Variants in IL1RAPL2 observed in about 807,000 individuals in gnomAD.
IL1RAPL2 encodes X-linked interleukin-1 receptor accessory protein-like 2.
IL1RAPL2 carries 3 observed loss-of-function variants against 44.1 expected under a neutral mutation model. That is an observed-to-expected ratio of 0.07 (90% CI 0.03 to 0.18). The LOEUF is 0.18. Among genes scored for constraint, IL1RAPL2 ranks in the 10% least tolerant of loss-of-function variants. IL1RAPL2 has a pLI of 1.00. For synonymous variants in IL1RAPL2, 181 were observed against 178.8 expected (o/e 1.01, Z -0.10); for missense variants, 391 against 496.4 (o/e 0.79, Z 2.02).
chrX:104,758,203 G>T (rs192176395), intron 2 of IL1RAPL2, among the ~76,000 whole-genome samples: 89 of 111,578 alleles, frequency 8.0e-4, no homozygotes, highest in African/African-American at 2.7e-3. Context: ...TTTCCCTGAA[G>T]GCCTTTTGCC....
chrX:104,836,658 CTAT>C (rs1436119332), intron 2 of IL1RAPL2, among the ~76,000 whole-genome samples: 2 of 111,077 alleles, frequency 1.8e-5, no homozygotes, highest in East Asian at 2.8e-4. Context: ...ATTATTGATT[CTAT>C]TATTATTTAT....
rs779051187 is a variant in IL1RAPL2 at position 104,933,895 on chromosome X, T to C, written c.83-261580T>C. On this transcript the variant is annotated intron_variant, in intron 2 of 10. Transcript: ENST00000372582. Reference sequence around the variant, plus strand: ...TTGGCAAGCATGGGATCAAGATAGATTGGAACTCCTTTGAAAATAAGCAAT... The same window carrying C: ...TTGGCAAGCATGGGATCAAGATAGACTGGAACTCCTTTGAAAATAAGCAAT... Among the ~76,000 whole-genome samples the C allele has an allele frequency of 1.3e-4, 14 of 111,732 alleles. No homozygotes were observed. The South Asian group carries it at 5.2e-3, about 42-fold the overall frequency.
rs1485900539 is a variant in IL1RAPL2, at chrX:105,191,239, G to A, written c.83-4236G>A. 9.8e-5 allele frequency among the ~76,000 whole-genome samples: 11 copies of A among 112,348 alleles called. No homozygotes were observed. The South Asian group carries it at 1.4e-3, about 15-fold the overall frequency. On this transcript the variant is annotated intron_variant, in intron 2 of 10. Transcript: ENST00000372582. ...TTTGTTTGTTTGTTTGTTTTGAGAC[G>A]GAGTCTCACTGTGATGCCCAGGCTG...
intron 3 of IL1RAPL2, among the ~76,000 whole-genome samples, chrX:105,229,990 G>A (rs1449677189): frequency 2.7e-5 from 3 of 111,319 alleles, no homozygotes; most frequent in African/African-American, 6.5e-5. Context: ...GTAGAGACGG[G>A]GTTTCATTGT....
chrX:105,218,214 C>G (rs782740834), intron 3 of IL1RAPL2, among the ~76,000 whole-genome samples: 1 of 111,570 alleles, frequency 9.0e-6, no homozygotes, highest in African/African-American at 3.3e-5. Flanking sequence ...TGCTGCTGCT[C>G]TCTCCATCTC....
At chrX:105,081,062 G>C (rs2147548008) in intron 2 of IL1RAPL2, among the ~76,000 whole-genome samples, 1 of 111,613 alleles carries the variant, frequency 9.0e-6, no homozygotes. Flanking sequence ...TTTGCACACT[G>C]ATTTTGTATC....
At chrX:105,579,853 C>T (rs147049672) in intron 6 of IL1RAPL2, among the ~76,000 whole-genome samples, 1 of 111,609 alleles carries the variant, frequency 9.0e-6, no homozygotes, top group Non-Finnish European at 1.9e-5. Context: ...AAATGTTAGA[C>T]TCCCTTTCTA....
intron 2 of IL1RAPL2, among the ~76,000 whole-genome samples, chrX:104,897,319 G>A (rs1923683237): frequency 8.9e-6 from 1 of 112,092 alleles, no homozygotes. Context: ...TTTTAATGTG[G>A]CCTTTCTACA....
intron 2 of IL1RAPL2, among the ~76,000 whole-genome samples, chrX:104,953,184 G>A (rs923699010): frequency 2.7e-5 from 3 of 111,761 alleles, no homozygotes; most frequent in African/African-American, 9.8e-5. Context: ...TGGCAGAGAG[G>A]TTACAGAATT....
intron 2 of IL1RAPL2, among the ~76,000 whole-genome samples, chrX:104,801,076 T>C (rs1238250270): frequency 2.7e-5 from 3 of 112,922 alleles, no homozygotes; most frequent in Non-Finnish European, 3.7e-5. Flanking sequence ...TTCATTAGGA[T>C]AGCAGAGTGT....
At chrX:105,702,003 C>T (rs778441775) in intron 6 of IL1RAPL2, among the ~76,000 whole-genome samples, 1 of 111,487 alleles carries the variant, frequency 9.0e-6, no homozygotes, top group East Asian at 2.8e-4. Flanking sequence ...GGCAAGTTAT[C>T]ATCTAAGAAT....
chrX:105,440,450 A>G (rs139708494), intron 5 of IL1RAPL2, among the ~76,000 whole-genome samples: 1 of 111,977 alleles, frequency 8.9e-6, no homozygotes, highest in Non-Finnish European at 1.9e-5. Flanking sequence ...ACTCTGACAA[A>G]AGGATGTCAT....
intron 6 of IL1RAPL2, among the ~76,000 whole-genome samples, chrX:105,595,879 G>A (rs887028165): frequency 4.5e-5 from 5 of 111,048 alleles, no homozygotes; most frequent in Non-Finnish European, 7.6e-5. Context: ...ATTTCTTCTT[G>A]ATGCAATTTT....
intron 9 of IL1RAPL2, 145 bp from the exon 10 acceptor site, chrX:105,755,032 G>T: frequency 2.5e-6 from 1 of 405,017 alleles, no homozygotes; most frequent in Admixed American, 4.3e-5. Context: ...TTTTGAAAGG[G>T]ATTAGATTTC....
At chrX:105,159,030 G>A (rs764644364) in intron 2 of IL1RAPL2, among the ~76,000 whole-genome samples, 4 of 111,929 alleles carry the variant, frequency 3.6e-5, no homozygotes, top group Non-Finnish European at 7.5e-5. Context: ...TACTATTTAT[G>A]GTGCTCACTG....
intron 2 of IL1RAPL2, among the ~76,000 whole-genome samples, chrX:105,191,753 A>C (rs1305849806): frequency 8.9e-6 from 1 of 112,519 alleles, no homozygotes; most frequent in Non-Finnish European, 1.9e-5. Flanking sequence ...ATTGTGAAAC[A>C]AAGGGCAGAC....
rs188971538 is a variant in IL1RAPL2 at position 105,031,640 on chromosome X, G to C, written c.83-163835G>C. Among the ~76,000 whole-genome samples the C allele has an allele frequency of 2.4e-4, 27 of 111,766 alleles. No homozygotes were observed. The Admixed American group carries it at 2.6e-3, about 11-fold the overall frequency. ...GCTTTTTGATGTGCTGCTGGATTCG[G>C]ATTGCCAGTATTTTATTGAGGATTT... On this transcript the variant is annotated intron_variant, in intron 2 of 10. Transcript: ENST00000372582.
intron 2 of IL1RAPL2, among the ~76,000 whole-genome samples, chrX:104,678,829 G>C (rs1464565635): frequency 9.0e-6 from 1 of 110,983 alleles, no homozygotes; most frequent in Non-Finnish European, 1.9e-5. Context: ...GTTGGGGGAT[G>C]AGGGGCGAGA....
chrX:104,911,945 G>T (rs371732694), intron 2 of IL1RAPL2, among the ~76,000 whole-genome samples: 1 of 111,348 alleles, frequency 9.0e-6, no homozygotes, highest in African/African-American at 3.3e-5. Context: ...CTCAAATATC[G>T]CTTTCTCAGA....
Sources: allele counts gnomAD v4.1 joint callset (sites outside exome capture counted in the v4.1 genomes callset), GRCh38; gene constraint gnomAD v4.1.1; transcripts MANE v1.5; gene names NCBI Gene and HGNC (gene_info 2026-07-23, HGNC 2026-07-21).